Variants in PKIB observed in about 807,000 individuals in gnomAD.
PKIB encodes cAMP-dependent protein kinase inhibitor beta, also known as PKI-beta.
A neutral mutation model predicts 4.5 loss-of-function variants in PKIB; 2 were observed. The ratio of observed to expected loss-of-function variants is 0.44; its 90% CI spans 0.18 to 1.39. The LOEUF is 1.39. Ranked by LOEUF, PKIB falls within the 40% of genes most tolerant of loss-of-function variation. The pLI is 0.27. For synonymous variants in PKIB, 38 were observed against 36.0 expected, an observed-to-expected ratio of 1.06 and a Z score of -0.20; for missense variants, 94 against 92.6, an observed-to-expected ratio of 1.02 and a Z score of -0.06.
chr6:122,540,360 C>A (rs920703033), intron 2 of PKIB, among the ~76,000 whole-genome samples: 6 of 151,814 alleles, frequency 4.0e-5, no homozygotes, highest in African/African-American at 1.5e-4. Context: ...GAATGTGTCC[C>A]AGAGATTCTG....
At chr6:122,621,820 T>C (rs1775240507) in intron 1 of PKIB, among the ~76,000 whole-genome samples, 1 of 152,220 alleles carries the variant, frequency 6.6e-6, no homozygotes, top group Non-Finnish European at 1.5e-5. Flanking sequence ...TACAGTGGTG[T>C]ACTGGCTGAA....
intron 2 of PKIB, chr6:122,581,840 T>C (rs1270774732): frequency 6.6e-6 from 1 of 152,074 alleles, no homozygotes; most frequent in Non-Finnish European, 1.5e-5. Context: ...GCCATGAAGA[T>C]TGAGCTATGA....
intron 1 of PKIB, among the ~76,000 whole-genome samples, chr6:122,630,173 C>T (rs997432298): frequency 6.6e-6 from 1 of 152,066 alleles, no homozygotes; most frequent in East Asian, 1.9e-4. Context: ...AATTCCACTT[C>T]TGTGTATATA....
intron 2 of PKIB, among the ~76,000 whole-genome samples, chr6:122,666,856 C>G (rs1777239297): frequency 1.3e-5 from 2 of 152,150 alleles, no homozygotes; most frequent in South Asian, 4.1e-4. Context: ...GTATTAAGTC[C>G]ATATGGCGGA....
At chr6:122,533,512 A>T (rs561469025) in intron 2 of PKIB, among the ~76,000 whole-genome samples, 1 of 152,344 alleles carries the variant, frequency 6.6e-6, no homozygotes, top group Admixed American at 6.5e-5. Context: ...TATATAAAAT[A>T]AGTACTTGGC....
upstream of PKIB, among the ~76,000 whole-genome samples, chr6:122,607,713 A>G (rs984927118): frequency 3.3e-5 from 5 of 152,194 alleles, no homozygotes; most frequent in African/African-American, 1.2e-4. Context: ...GCTTTCTTCT[A>G]AGAATTATTT....
chr6:122,633,186 C>T (rs1775768460), intron 1 of PKIB, 97 bp from the exon 2 acceptor site: 1 of 152,132 alleles, frequency 6.6e-6, no homozygotes, highest in South Asian at 2.1e-4. Context: ...CTAAGTTAGA[C>T]TTTTTTGTCT....
intron 2 of PKIB, among the ~76,000 whole-genome samples, chr6:122,658,906 A>C (rs980607064): frequency 3.6e-5 from 5 of 137,480 alleles, no homozygotes; most frequent in Non-Finnish European, 6.2e-5. Context: ...TCCTCTAGAT[A>C]CTGGGAATAT....
chr6:122,578,602 C>T (rs928983223), intron 2 of PKIB, among the ~76,000 whole-genome samples: 20 of 152,070 alleles, frequency 1.3e-4, no homozygotes, highest in Admixed American at 6.6e-5. Context: ...TTCCCATTTC[C>T]GCAGTCACTA....
chr6:122,554,856 A>G (rs1251711751), intron 2 of PKIB, among the ~76,000 whole-genome samples: 2 of 152,204 alleles, frequency 1.3e-5, no homozygotes, highest in Non-Finnish European at 2.9e-5. Context: ...AGAACACTCT[A>G]TTAGTAACTT....
chr6:122,515,720 T>C (rs1776727365), intron 2 of PKIB, among the ~76,000 whole-genome samples: 2 of 152,158 alleles, frequency 1.3e-5, no homozygotes, highest in Admixed American at 6.5e-5. Context: ...ATGAGTTGTT[T>C]GTTTGTTTGT....
At chr6:122,554,547 A>G (rs1472197337) in intron 2 of PKIB, among the ~76,000 whole-genome samples, 5 of 152,228 alleles carry the variant, frequency 3.3e-5, no homozygotes, top group African/African-American at 1.2e-4. Context: ...AAGTTATAAG[A>G]TGGCCAGGAA....
intron 2 of PKIB, chr6:122,483,519 T>C (rs1200719628): frequency 6.7e-6 from 1 of 148,940 alleles, no homozygotes; most frequent in Non-Finnish European, 1.5e-5. Context: ...GGCAGAAAAA[T>C]AAGGGGAAAA....
chr6:122,662,307 C>CTTTTTTTTT, intron 2 of PKIB, among the ~76,000 whole-genome samples: 1 of 14,514 alleles, frequency 6.9e-5, no homozygotes, highest in South Asian at 1.8e-3. Context: ...TTCCTTGTCT[C>CTTTTTTTTT]CTTTTTTTTT....
At chr6:122,564,566 T>C (rs778335546) in intron 2 of PKIB, among the ~76,000 whole-genome samples, 2 of 152,082 alleles carry the variant, frequency 1.3e-5, no homozygotes, top group Non-Finnish European at 2.9e-5. Flanking sequence ...AAATATAAAA[T>C]TTAATAAAAT....
chr6:122,584,415 C>G (rs993370141), intron 2 of PKIB, among the ~76,000 whole-genome samples: 2 of 152,090 alleles, frequency 1.3e-5, no homozygotes, highest in Non-Finnish European at 2.9e-5. Context: ...AATAGAATTT[C>G]AATGAGGTGT....
At chr6:122,634,849 G>A (rs1044114944) in intron 2 of PKIB, among the ~76,000 whole-genome samples, 7 of 152,020 alleles carry the variant, frequency 4.6e-5, no homozygotes, top group Admixed American at 3.3e-4. Flanking sequence ...GGCTGAGGAA[G>A]GAGAATGGTG....
intron 2 of PKIB, among the ~76,000 whole-genome samples, chr6:122,672,000 T>G (rs1165206393): frequency 2.0e-5 from 3 of 152,230 alleles, no homozygotes; most frequent in African/African-American, 7.2e-5. Flanking sequence ...TATTTACAAC[T>G]GAGGTCAGCT....
At chr6:122,520,070 T>G (rs1776888665) in intron 2 of PKIB, among the ~76,000 whole-genome samples, 1 of 152,242 alleles carries the variant, frequency 6.6e-6, no homozygotes, top group Non-Finnish European at 1.5e-5. Flanking sequence ...TGAGACTGAG[T>G]TCAGGCATCA....
Sources: gnomAD v4.1 joint callset for allele counts (sites outside exome capture counted in the v4.1 genomes callset) on GRCh38, gnomAD v4.1.1 for gene constraint, MANE v1.5 for transcripts, NCBI Gene and HGNC (gene_info 2026-07-23, HGNC 2026-07-21) for gene names.